The following ETFA variants were observed in gnomAD, a reference collection of about 807,000 sequenced individuals.
ETFA encodes the protein electron transfer flavoprotein subunit alpha, also known as electron transfer flavoprotein subunit alpha, mitochondrial.
In ETFA, 22 loss-of-function variants were observed where a neutral mutation model predicts 46.2. The ratio of observed to expected loss-of-function variants is 0.48; its 90% CI spans 0.34 to 0.68. ETFA has a LOEUF of 0.68. ETFA is among the 30% of genes least tolerant of loss of function. The pLI is 0.01. For synonymous variants in ETFA, 131 were observed against 139.9 expected (o/e 0.94, Z 0.45); for missense variants, 345 against 401.1 (o/e 0.86, Z 1.19).
chr15:76,239,526 C>G (rs948505763), intron 9 of ETFA, among the ~76,000 whole-genome samples: 6 of 151,958 alleles, frequency 3.9e-5, no homozygotes, highest in Non-Finnish European at 5.9e-5. Context: ...ATCCTTTGAC[C>G]AACATCTCCC....
At chr15:76,284,903 C>T (rs559514502) in intron 7 of ETFA, 1 of 401,952 alleles carries the variant, frequency 2.5e-6, no homozygotes, top group East Asian at 1.1e-4. Flanking sequence ...GCACTCCAGC[C>T]TAGGCAACAA....
At chr15:76,286,269 C>T (rs1174474368) in intron 6 of ETFA, 102 bp downstream of exon 6, 2 of 646,610 alleles carry the variant, frequency 3.1e-6, no homozygotes, top group East Asian at 5.5e-5. Context: ...CTTTCAAATA[C>T]TATTCATTAG....
At chr15:76,236,272 C>G (rs946348264) in intron 9 of ETFA, among the ~76,000 whole-genome samples, 1 of 152,178 alleles carries the variant, frequency 6.6e-6, no homozygotes. Flanking sequence ...TACATCTATA[C>G]TTATATATCT....
intron 9 of ETFA, among the ~76,000 whole-genome samples, chr15:76,250,704 T>G (rs2039290299): frequency 6.6e-6 from 1 of 151,840 alleles, no homozygotes; most frequent in East Asian, 1.9e-4. Context: ...AACTAAATTT[T>G]TTTTTTTTTT....
chr15:76,268,201 A>G (rs1184450023), intron 9 of ETFA, among the ~76,000 whole-genome samples: 2 of 151,982 alleles, frequency 1.3e-5, no homozygotes, highest in Non-Finnish European at 1.5e-5. Flanking sequence ...AAAAAAAAAA[A>G]AAAAAGCCTT....
chr15:76,292,521 T>A lies in ETFA; in HGVS notation c.269-8A>T, dbSNP rs1440046169. ...TCAATGGTGTCAGTTCCTCTGAGAA[T>A]TAAACACATTTGATAAAAAAATATT... On this transcript the variant is annotated splice_polypyrimidine_tract_variant and splice_region_variant and intron_variant, in intron 3 of 11. Transcript: ENST00000557943. The A allele has an allele frequency of 6.2e-7, 1 of 1,608,474 alleles. No homozygotes were observed. Among genetic ancestry groups the A allele is most frequent in the Non-Finnish European group, 8.5e-7 (1 of 1,174,930 alleles).
intron 9 of ETFA, chr15:76,259,046 G>A: frequency 6.2e-7 from 1 of 1,606,186 alleles, no homozygotes; most frequent in South Asian, 1.1e-5. Flanking sequence ...GTGTCTCATT[G>A]AGGGGACTCT....
At position 76,304,835 on chromosome 15, in the gene ETFA, G is replaced by C. The variant is rs559696590; in HGVS notation, c.39+6515C>G. 4.1e-4 allele frequency among the ~76,000 whole-genome samples: 63 copies of C among 152,148 alleles called. 1 individual carries two copies. Among genetic ancestry groups the C allele is most frequent in the East Asian group, 2.3e-3 (12 of 5,168 alleles). On this transcript the variant is annotated intron_variant, in intron 1 of 11. Transcript: ENST00000557943. ...CGAGGCGGGCAGATCACAAGGTCAG[G>C]AGAGCGAGACCATCCTGGCTAACAT...
rs1282781951 is a variant in ETFA at position 76,215,699 on chromosome 15, A to C, written c.*860T>G. 1 of 152,222 alleles carries C rather than the reference A, an allele frequency of 6.6e-6. No homozygotes were observed. The allele number at this position is 152,222 out of a possible 1,614,324, so 9.4% of individuals were successfully genotyped here. On this transcript the variant is annotated 3_prime_UTR_variant, in exon 12 of 12. Coordinates refer to ENST00000557943, the MANE Select transcript of ETFA (RefSeq NM_000126.4). ...CCTCAGCTGTGCCCTGGGCAGCAGA[A>C]TGAGAGTGCCAGAGGTGACTACACA...
intron 9 of ETFA, among the ~76,000 whole-genome samples, chr15:76,255,104 A>T (rs2039335989): frequency 6.6e-6 from 1 of 152,218 alleles, no homozygotes; most frequent in African/African-American, 2.4e-5. Context: ...ATGTCTAAAG[A>T]TGCTGAAAAA....
chr15:76,272,680 C>T (rs1417890978), intron 9 of ETFA, among the ~76,000 whole-genome samples: 1 of 152,038 alleles, frequency 6.6e-6, no homozygotes, highest in Non-Finnish European at 1.5e-5. Context: ...GTCCCAGCCA[C>T]TCAAGAGGCT....
At chr15:76,235,722 G>A (rs2039115663) in intron 9 of ETFA, among the ~76,000 whole-genome samples, 1 of 152,160 alleles carries the variant, frequency 6.6e-6, no homozygotes, top group Admixed American at 6.5e-5. Flanking sequence ...TGGAAAAGAG[G>A]TGTGATAGAG....
intron 9 of ETFA, among the ~76,000 whole-genome samples, chr15:76,251,935 T>C (rs2039302532): frequency 6.6e-6 from 1 of 152,190 alleles, no homozygotes; most frequent in South Asian, 2.1e-4. Context: ...TTGTTGAGGA[T>C]GTCAATCAAT....
chr15:76,308,912 T>C (rs776597306), intron 1 of ETFA, among the ~76,000 whole-genome samples: 3 of 152,242 alleles, frequency 2.0e-5, no homozygotes, highest in African/African-American at 4.8e-5. Context: ...TAGTATTATG[T>C]ATATATGTGG....
chr15:76,265,146 AAAG>A (rs2039457864), intron 9 of ETFA, among the ~76,000 whole-genome samples: 2 of 152,202 alleles, frequency 1.3e-5, no homozygotes, highest in Admixed American at 1.3e-4. Flanking sequence ...GGGAGCCACC[AAAG>A]AAGGTCCCCA....
chr15:76,290,333 C>CTTTTTTTTTTTTTTT (rs10682432), intron 4 of ETFA, among the ~76,000 whole-genome samples: 2 of 97,138 alleles, frequency 2.1e-5, no homozygotes, highest in Non-Finnish European at 3.9e-5. Flanking sequence ...AGTCGCTACT[C>CTTTTTTTTTTTTTTT]TTTTTTTTTT....
At chr15:76,246,879 T>C (rs2039248211) in intron 9 of ETFA, among the ~76,000 whole-genome samples, 1 of 151,032 alleles carries the variant, frequency 6.6e-6, no homozygotes, top group Admixed American at 6.6e-5. Flanking sequence ...TGAAGCAAAA[T>C]TTCATTATTC....
intron 4 of ETFA, among the ~76,000 whole-genome samples, chr15:76,289,554 T>C (rs1461557308): frequency 5.9e-5 from 9 of 152,188 alleles, no homozygotes; most frequent in South Asian, 2.1e-4. Context: ...CTAAACATCA[T>C]GAGGGTGGAT....
At chr15:76,239,859 T>C (rs2039167298) in intron 9 of ETFA, among the ~76,000 whole-genome samples, 1 of 152,030 alleles carries the variant, frequency 6.6e-6, no homozygotes, top group Non-Finnish European at 1.5e-5. Flanking sequence ...AAAGTATCAG[T>C]TTGTACATTA....
Sources: allele counts gnomAD v4.1 joint callset (sites outside exome capture counted in the v4.1 genomes callset), GRCh38; gene constraint gnomAD v4.1.1; transcripts MANE v1.5; gene names NCBI Gene and HGNC (gene_info 2026-07-23, HGNC 2026-07-21).